The following CACNA1E variants were observed in gnomAD, a reference collection of about 807,000 sequenced individuals.
CACNA1E encodes the protein voltage-dependent R-type calcium channel subunit alpha-1E.
CACNA1E carries 40 observed loss-of-function variants against 259.2 expected under a neutral mutation model. The ratio of observed to expected loss-of-function variants is 0.15; its 90% CI spans 0.12 to 0.20. CACNA1E has a LOEUF of 0.20. CACNA1E is among the 10% of genes least tolerant of loss of function. The pLI is 1.00. For synonymous variants in CACNA1E, 1,104 were observed against 1,138.5 expected (o/e 0.97, Z 0.61); for missense variants, 1,874 against 3,040.1 (o/e 0.62, Z 9.02).
intron 1 of CACNA1E, among the ~76,000 whole-genome samples, chr1:181,330,153 G>T (rs1430897859): frequency 6.6e-6 from 1 of 152,148 alleles, no homozygotes; most frequent in African/African-American, 2.4e-5. Context: ...AAGACCCAGG[G>T]TCTCAAAGGA....
At chr1:181,617,490 C>T (rs1193799620) in intron 6 of CACNA1E, among the ~76,000 whole-genome samples, 1 of 152,192 alleles carries the variant, frequency 6.6e-6, no homozygotes, top group Non-Finnish European at 1.5e-5. Context: ...TGAATCGGTG[C>T]AACTCCCTTG....
At chr1:181,600,872 G>C (rs112417476) in intron 6 of CACNA1E, among the ~76,000 whole-genome samples, 1 of 152,104 alleles carries the variant, frequency 6.6e-6, no homozygotes, top group Non-Finnish European at 1.5e-5. Context: ...GAGATGGACT[G>C]ATGTCCCTTA....
At chr1:181,756,861 C>A in intron 29 of CACNA1E, 64 bp from the exon 30 acceptor site, 1 of 1,084,322 alleles carries the variant, frequency 9.2e-7, no homozygotes, top group Non-Finnish European at 1.4e-6. Context: ...TAATAGGTGG[C>A]ACATTTCCTA....
chr1:181,695,848 G>T (rs1478955119), intron 7 of CACNA1E, among the ~76,000 whole-genome samples: 1 of 152,096 alleles, frequency 6.6e-6, no homozygotes, highest in Non-Finnish European at 1.5e-5. Flanking sequence ...CCAGCTACTC[G>T]GGAGGCTGAG....
intron 3 of CACNA1E, among the ~76,000 whole-genome samples, chr1:181,530,198 T>C (rs1014935616): frequency 3.3e-5 from 5 of 152,214 alleles, no homozygotes; most frequent in Non-Finnish European, 7.3e-5. Flanking sequence ...TCTTCCTTAT[T>C]TTTCTCTTGC....
At chr1:181,472,064 G>A (rs1330077389) in intron 2 of CACNA1E, among the ~76,000 whole-genome samples, 3 of 152,114 alleles carry the variant, frequency 2.0e-5, no homozygotes, top group African/African-American at 4.8e-5. Context: ...CACACACAAT[G>A]GATTTTTATT....
chr1:181,481,421 TTGCCCAC>T, upstream of CACNA1E, among the ~76,000 whole-genome samples: 1 of 151,918 alleles, frequency 6.6e-6, no homozygotes, highest in Non-Finnish European at 1.5e-5. Flanking sequence ...TCACAGGGCC[TTGCCCAC>T]AGACAGACAC....
At chr1:181,607,364 G>A (rs771863249) in intron 6 of CACNA1E, among the ~76,000 whole-genome samples, 2 of 152,126 alleles carry the variant, frequency 1.3e-5, no homozygotes, top group African/African-American at 2.4e-5. Context: ...TGAGGATTAC[G>A]TCTTAAATTT....
chr1:181,442,434 A>G (rs1480837676), intron 2 of CACNA1E, among the ~76,000 whole-genome samples: 1 of 147,596 alleles, frequency 6.8e-6, no homozygotes, highest in East Asian at 1.9e-4. Context: ...TAAGGGGCAC[A>G]GGTATGAAGG....
chr1:181,747,916 T>C (rs1046786097), intron 25 of CACNA1E, among the ~76,000 whole-genome samples: 1 of 152,222 alleles, frequency 6.6e-6, no homozygotes, highest in African/African-American at 2.4e-5. Context: ...TAATGGGGAC[T>C]AAAGTGTTGA....
At chr1:181,671,740 A>G (rs991660266) in intron 7 of CACNA1E, among the ~76,000 whole-genome samples, 7 of 152,236 alleles carry the variant, frequency 4.6e-5, no homozygotes, top group Non-Finnish European at 1.0e-4. Flanking sequence ...ACAAACAAAC[A>G]AACAAACAAA....
intron 1 of CACNA1E, among the ~76,000 whole-genome samples, chr1:181,403,290 T>G (rs957548673): frequency 1.3e-5 from 2 of 151,464 alleles, no homozygotes; most frequent in Non-Finnish European, 2.9e-5. Flanking sequence ...TAGTATAAAA[T>G]TAAGAACCCA....
At chr1:181,321,822 C>T (rs1188641358) in intron 1 of CACNA1E, among the ~76,000 whole-genome samples, 1 of 152,198 alleles carries the variant, frequency 6.6e-6, no homozygotes, top group Non-Finnish European at 1.5e-5. Context: ...CTCAGCCTCT[C>T]TAAGAAGCCA....
chr1:181,377,889 T>C (rs1347693174), intron 1 of CACNA1E, among the ~76,000 whole-genome samples: 1 of 152,236 alleles, frequency 6.6e-6, no homozygotes, highest in Non-Finnish European at 1.5e-5. Context: ...ATACTCTTAA[T>C]AACACACTAT....
At chr1:181,348,132 G>A (rs1410717032) in intron 1 of CACNA1E, among the ~76,000 whole-genome samples, 1 of 151,870 alleles carries the variant, frequency 6.6e-6, no homozygotes, top group Non-Finnish European at 1.5e-5. Flanking sequence ...ATGGAGGGTG[G>A]TATTGATGCC....
intron 6 of CACNA1E, among the ~76,000 whole-genome samples, chr1:181,647,032 C>A (rs1658337604): frequency 6.6e-6 from 1 of 151,998 alleles, no homozygotes. Context: ...AGATGGAGAG[C>A]AGCCAGTGTG....
chr1:181,544,114 G>T (rs955491027), intron 3 of CACNA1E, among the ~76,000 whole-genome samples: 1 of 152,192 alleles, frequency 6.6e-6, no homozygotes. Flanking sequence ...TCAGACAATG[G>T]AATACTACTC....
intron 1 of CACNA1E, chr1:181,318,271 C>T (rs1225417446): frequency 1.3e-5 from 2 of 152,242 alleles, no homozygotes; most frequent in African/African-American, 4.8e-5. Context: ...CTTGGAGATC[C>T]GTAGTTGGCC....
At chr1:181,741,593 A>G (rs886781368) in intron 25 of CACNA1E, among the ~76,000 whole-genome samples, 7 of 152,186 alleles carry the variant, frequency 4.6e-5, no homozygotes, top group Non-Finnish European at 8.8e-5. Context: ...CCTGGTAACC[A>G]GGCTGGTGTG....
Sources: gnomAD v4.1 joint callset for allele counts (sites outside exome capture counted in the v4.1 genomes callset) on GRCh38, gnomAD v4.1.1 for gene constraint, MANE v1.5 for transcripts, NCBI Gene and HGNC (gene_info 2026-07-23, HGNC 2026-07-21) for gene names.